Variants in CPNE8 observed in about 807,000 individuals in gnomAD.
CPNE8 encodes copine 8, also known as copine-8.
Under a neutral mutation model 81.5 loss-of-function variants are expected in CPNE8, and 45 were observed. The observed-to-expected ratio is 0.55, with a 90% CI of 0.44 to 0.71. CPNE8 has a LOEUF of 0.71. CPNE8 is among the 30% of genes least tolerant of loss of function. The pLI, the probability that CPNE8 is intolerant of heterozygous loss-of-function variation, is 0.00. For missense variants in CPNE8, 594 were observed against 672.1 expected (o/e 0.88, Z 1.28); for synonymous variants, 252 against 226.3 (o/e 1.11, Z -1.02).
intron 19 of CPNE8, among the ~76,000 whole-genome samples, chr12:38,661,968 T>C (rs1194076598): frequency 6.7e-6 from 1 of 150,362 alleles, no homozygotes. Flanking sequence ...CCCTTCAGGA[T>C]AAAAATTGTC....
intron 6 of CPNE8, among the ~76,000 whole-genome samples, chr12:38,805,470 A>T (rs1262577629): frequency 1.0e-5 from 1 of 95,302 alleles, no homozygotes; most frequent in Non-Finnish European, 2.2e-5. Context: ...ATGAGATCAC[A>T]TGGACACAGG....
intron 18 of CPNE8, 172 bp from the exon 19 acceptor site, chr12:38,670,974 G>A (rs1939161811): frequency 7.6e-6 from 4 of 523,872 alleles, no homozygotes; most frequent in Non-Finnish European, 3.3e-6. Flanking sequence ...TTGATTAAGT[G>A]TGCATTTTAC....
chr12:38,667,901 A>AATTAT (rs1939094419), intron 19 of CPNE8, among the ~76,000 whole-genome samples: 1 of 151,992 alleles, frequency 6.6e-6, no homozygotes, highest in Non-Finnish European at 1.5e-5. Context: ...GGGCTCAAGC[A>AATTAT]ATTCTCTTGC....
In CPNE8 at chr12:38,779,020, A is replaced by T. The variant is rs1941991834; in HGVS notation, c.408-2719T>A. 3.3e-5 allele frequency among the ~76,000 whole-genome samples: 5 copies of T among 152,140 alleles called. No homozygotes were observed. The South Asian group carries it at 1.0e-3, about 31-fold the overall frequency. On this transcript the variant is annotated intron_variant, in intron 6 of 19. Transcript: ENST00000331366. ...ACATTATCGTTTTCAGCATCCTTCC[A>T]GCATCCTTAATCAGTTAATTTTTCT...
chr12:38,687,747 C>A (rs919957946), intron 15 of CPNE8, among the ~76,000 whole-genome samples: 24 of 152,134 alleles, frequency 1.6e-4, no homozygotes, highest in African/African-American at 5.6e-4. Flanking sequence ...CCAACTACTT[C>A]AATTTTATCA....
chr12:38,771,713 A>G (rs1192986907), intron 7 of CPNE8, among the ~76,000 whole-genome samples: 2 of 152,132 alleles, frequency 1.3e-5, no homozygotes, highest in African/African-American at 2.4e-5. Context: ...TAATATTCCC[A>G]TTTTTAGAAG....
intron 19 of CPNE8, among the ~76,000 whole-genome samples, chr12:38,664,615 A>T (rs1939027706): frequency 6.6e-6 from 1 of 152,164 alleles, no homozygotes; most frequent in East Asian, 1.9e-4. Context: ...GGATATGCAG[A>T]TGTTTTTTAA....
chr12:38,824,493 A>G (rs1290272025), intron 6 of CPNE8, among the ~76,000 whole-genome samples: 1 of 152,130 alleles, frequency 6.6e-6, no homozygotes, highest in Non-Finnish European at 1.5e-5. Flanking sequence ...TTACAACACA[A>G]TCGCAATTAA....
chr12:38,803,073 G>C (rs1942720433), intron 6 of CPNE8, among the ~76,000 whole-genome samples: 1 of 54,874 alleles, frequency 1.8e-5, no homozygotes, highest in African/African-American at 6.4e-5. Flanking sequence ...AATTCTACCA[G>C]AGGTACAAGG....
chr12:38,870,021 T>C (rs934216485), intron 3 of CPNE8, among the ~76,000 whole-genome samples: 7 of 152,222 alleles, frequency 4.6e-5, no homozygotes, highest in African/African-American at 1.4e-4. Context: ...TTCTTTCCAT[T>C]TATAAACGAA....
chr12:38,820,159 C>T (rs1365328620), intron 6 of CPNE8, among the ~76,000 whole-genome samples: 1 of 152,078 alleles, frequency 6.6e-6, no homozygotes, highest in Non-Finnish European at 1.5e-5. Context: ...GTAATCCCAG[C>T]ACTTTGGGAG....
At chr12:38,770,175 G>A (rs983097233) in intron 7 of CPNE8, among the ~76,000 whole-genome samples, 1 of 152,042 alleles carries the variant, frequency 6.6e-6, no homozygotes, top group East Asian at 1.9e-4. Flanking sequence ...TGTTTCACAG[G>A]CACTTCTAAC....
chr12:38,747,370 C>A (rs1349827757), intron 10 of CPNE8, among the ~76,000 whole-genome samples: 1 of 152,028 alleles, frequency 6.6e-6, no homozygotes, highest in Non-Finnish European at 1.5e-5. Context: ...TATTTAGCCA[C>A]CTATAGGAAT....
intron 3 of CPNE8, among the ~76,000 whole-genome samples, chr12:38,866,474 ATT>A (rs2137091588): frequency 6.6e-6 from 1 of 152,368 alleles, no homozygotes; most frequent in South Asian, 2.1e-4. Flanking sequence ...TGGCCTAAAA[ATT>A]TTAAAAGCTT....
rs532408328 is a variant in CPNE8 at position 38,829,865 on chromosome 12, G to T, written c.331-410C>A. On this transcript the variant is annotated intron_variant, in intron 5 of 19. Coordinates refer to ENST00000331366, the MANE Select transcript of CPNE8 (RefSeq NM_153634.3). ...TAATCCCAGTAACACTTAGAGAAAG[G>T]TCATGTGATGCAGTAGCCTCAACTA... is the stretch of plus-strand genomic sequence containing the variant. Among the ~76,000 whole-genome samples the T allele has an allele frequency of 7.2e-5, 11 of 152,274 alleles. No homozygotes were observed. In the East Asian group the frequency reaches 2.1e-3, roughly 29 times the overall value.
At chr12:38,657,213 C>G (rs1304816258) in intron 19 of CPNE8, among the ~76,000 whole-genome samples, 1 of 152,190 alleles carries the variant, frequency 6.6e-6, no homozygotes, top group Non-Finnish European at 1.5e-5. Flanking sequence ...AACTGGCAGA[C>G]CAGGAGATTC....
At chr12:38,901,529 T>C (rs1267318764) in intron 1 of CPNE8, among the ~76,000 whole-genome samples, 3 of 152,230 alleles carry the variant, frequency 2.0e-5, no homozygotes, top group Non-Finnish European at 2.9e-5. Context: ...TTGTATCATT[T>C]CAGCTACAGG....
chr12:38,703,492 C>T (rs1940005115), intron 13 of CPNE8, among the ~76,000 whole-genome samples: 1 of 152,100 alleles, frequency 6.6e-6, no homozygotes, highest in South Asian at 2.1e-4. Flanking sequence ...AAATTCACAG[C>T]CAACATCATA....
At chr12:38,886,798 T>C (rs983497634) in intron 1 of CPNE8, among the ~76,000 whole-genome samples, 3 of 152,082 alleles carry the variant, frequency 2.0e-5, no homozygotes, top group African/African-American at 7.2e-5. Flanking sequence ...GAATATATAA[T>C]AGGAAACTCT....
Sources: gnomAD v4.1 joint callset for allele counts (sites outside exome capture counted in the v4.1 genomes callset) on GRCh38, gnomAD v4.1.1 for gene constraint, MANE v1.5 for transcripts, NCBI Gene and HGNC (gene_info 2026-07-23, HGNC 2026-07-21) for gene names.